RAB27A: variants seen among roughly 807,000 people sequenced by gnomAD.
The protein encoded by RAB27A is RAB27A, member RAS oncogene family.
In RAB27A, 17 loss-of-function variants were observed where a neutral mutation model predicts 20.8. The observed-to-expected ratio is 0.82, with a 90% CI of 0.56 to 1.23. The LOEUF is 1.23. RAB27A is among the 50% of genes most tolerant of loss of function. The pLI, the probability that RAB27A is intolerant of heterozygous loss-of-function variation, is 0.00. For synonymous variants in RAB27A, 85 were observed against 92.8 expected (o/e 0.92, Z 0.48); for missense variants, 277 against 266.7 (o/e 1.04, Z -0.27).
chr15:55,234,754 T>C, intron 3 of RAB27A, 28 bp downstream of exon 3: 1 of 1,590,140 alleles, frequency 6.3e-7, no homozygotes, highest in Non-Finnish European at 8.6e-7. Context: ...AACGATTACA[T>C]TTTTACATAG....
intron 1 of RAB27A, among the ~76,000 whole-genome samples, chr15:55,282,663 G>C: frequency 6.6e-6 from 1 of 152,124 alleles, no homozygotes; most frequent in East Asian, 1.9e-4. Flanking sequence ...CCAAGTCCCT[G>C]TGTAACCCTT....
chr15:55,254,107 A>G (rs1413286962), intron 2 of RAB27A, among the ~76,000 whole-genome samples: 1 of 152,244 alleles, frequency 6.6e-6, no homozygotes, highest in Admixed American at 6.5e-5. Context: ...ATAATTCTAC[A>G]ATCACATTTT....
At chr15:55,308,046 T>A (rs905615129) in intron 2 of RAB27A, among the ~76,000 whole-genome samples, 1 of 152,172 alleles carries the variant, frequency 6.6e-6, no homozygotes, top group African/African-American at 2.4e-5. Context: ...CCCATTCTAT[T>A]TCTTCTTCTG....
rs955558207 is a variant in RAB27A, at chr15:55,209,861, T to C, written c.468-4156A>G. Among the ~76,000 whole-genome samples, 5 of 31,872 alleles carry C rather than the reference T, an allele frequency of 1.6e-4. 1 individual carries two copies. The highest frequency in any genetic ancestry group is 1.4e-3 in the Admixed American group (3 of 2,174). The allele number at this position is 31,872 out of a possible 152,430, so 20.9% of individuals were successfully genotyped here. ...GTGTGTACACATATATGTGTGTATA[T>C]ACATATATACATATATGTGTGTGTA... On this transcript the variant is annotated intron_variant, in intron 6 of 6. Coordinates refer to ENST00000336787, the MANE Select transcript of RAB27A (RefSeq NM_183235.3).
At position 55,203,963 on chromosome 15, in the gene RAB27A, G is replaced by A. The variant is rs1007020290; in HGVS notation, c.*1544C>T. 1 of 152,066 alleles carries A rather than the reference G, an allele frequency of 6.6e-6. No individual in the cohort carries two copies. The highest frequency in any genetic ancestry group is 6.6e-5 in the Admixed American group (1 of 15,262). 9.4% of individuals were successfully genotyped at this position (152,066 alleles called of 1,614,324 possible). On this transcript the variant is annotated 3_prime_UTR_variant, in exon 7 of 7. Coordinates refer to ENST00000336787, the MANE Select transcript of RAB27A (RefSeq NM_183235.3). ...TTAAAAATAAATTTAGGGGGTACAA[G>A]TACAGTTTAGATACATGAATATATT...
At chr15:55,301,645 CTT>C (rs754262049) in intron 2 of RAB27A, among the ~76,000 whole-genome samples, 3,718 of 117,448 alleles carry the variant, frequency 0.032, 33 homozygotes, top group Non-Finnish European at 0.042. Flanking sequence ...CCCTAAAAAT[CTT>C]TTTTTTTTTT....
intron 2 of RAB27A, among the ~76,000 whole-genome samples, chr15:55,262,385 C>CA (rs111597244): frequency 2.6e-5 from 4 of 151,236 alleles, no homozygotes; most frequent in Admixed American, 2.0e-4. Flanking sequence ...ACTCAAAATA[C>CA]AAAAAAATTA....
At chr15:55,224,610 A>G (rs1345561228) in intron 5 of RAB27A, among the ~76,000 whole-genome samples, 1 of 152,242 alleles carries the variant, frequency 6.6e-6, no homozygotes, top group Non-Finnish European at 1.5e-5. Context: ...GTGGAAGCAG[A>G]GGACTATAAT....
chr15:55,307,914 T>C (rs773030808), intron 2 of RAB27A, among the ~76,000 whole-genome samples: 3 of 151,966 alleles, frequency 2.0e-5, no homozygotes, highest in African/African-American at 4.8e-5. Flanking sequence ...TATCAATGCC[T>C]AAGTGAAAGG....
Position 55,205,655 on chromosome 15 carries a change from G to A in RAB27A, c.518C>T (p.Ala173Val), listed in dbSNP as rs142217102. The change falls in exon 7 of 7, where the codon GCA becomes GTA. Residue 173 changes from alanine to valine, a missense_variant. Coordinates refer to ENST00000336787, the MANE Select transcript of RAB27A (RefSeq NM_183235.3). ...TATCAGGTCCAGAAGCATCTCAATT[G>A]CTTGGCTTATGTTTGTCCCATTGGC... is the stretch of plus-strand genomic sequence containing the variant. The part of the protein sequence containing the change: ...SAANGTNISQ[A>V]IEMLLDLIMK... 1 of 1,614,026 alleles carries A rather than the reference G, an allele frequency of 6.2e-7. No individual in the cohort carries two copies. Among genetic ancestry groups the A allele is most frequent in the East Asian group, 2.2e-5 (1 of 44,876 alleles).
rs563268621 is a variant in RAB27A at position 55,240,740 on chromosome 15, A to G, written c.-22-5784T>C. ...GGCTCCTCACCTGTAAAACAGGAAG[A>G]GATTCTATTTTATCAATTCTAACAT... On this transcript the variant is annotated intron_variant, in intron 2 of 6. Coordinates refer to ENST00000336787, the MANE Select transcript of RAB27A (RefSeq NM_183235.3). Among the ~76,000 whole-genome samples, 8 of 152,284 alleles carry G rather than the reference A, an allele frequency of 5.3e-5. No individual in the cohort carries two copies. The South Asian group carries it at 1.7e-3, about 32-fold the overall frequency.
chr15:55,230,723 A>G (rs1381350984), intron 3 of RAB27A, among the ~76,000 whole-genome samples: 1 of 152,168 alleles, frequency 6.6e-6, no homozygotes, highest in Non-Finnish European at 1.5e-5. Context: ...ATACAAAACA[A>G]CTTGTATAAA....
chr15:55,252,694 A>T (rs888154951), intron 2 of RAB27A, among the ~76,000 whole-genome samples: 2 of 151,532 alleles, frequency 1.3e-5, no homozygotes, highest in South Asian at 4.1e-4. Context: ...ACAGATAGAT[A>T]CAGATATACG....
At chr15:55,275,997 G>A (rs900530512) in intron 1 of RAB27A, among the ~76,000 whole-genome samples, 1 of 151,448 alleles carries the variant, frequency 6.6e-6, no homozygotes, top group African/African-American at 2.4e-5. Context: ...CGCTGTTGGT[G>A]GGAATACAAA....
At chr15:55,212,192 A>G (rs1895060750) in intron 6 of RAB27A, among the ~76,000 whole-genome samples, 1 of 152,152 alleles carries the variant, frequency 6.6e-6, no homozygotes, top group Non-Finnish European at 1.5e-5. Context: ...CAATATTCCC[A>G]TTTCACAAAT....
chr15:55,281,856 A>C (rs1898024794), intron 1 of RAB27A, among the ~76,000 whole-genome samples: 1 of 152,180 alleles, frequency 6.6e-6, no homozygotes, highest in Non-Finnish European at 1.5e-5. Context: ...AAAGCAACTA[A>C]GGGATTTTAA....
chr15:55,213,828 G>A (rs936703190), intron 6 of RAB27A, among the ~76,000 whole-genome samples: 42 of 152,242 alleles, frequency 2.8e-4, no homozygotes, highest in Admixed American at 8.5e-4. Context: ...ATGGTGAGCC[G>A]TATAATTATT....
chr15:55,207,896 ATCTG>A (rs1347597514), intron 6 of RAB27A, among the ~76,000 whole-genome samples: 2 of 152,086 alleles, frequency 1.3e-5, no homozygotes, highest in Non-Finnish European at 2.9e-5. Context: ...ACCTCAAGTG[ATCTG>A]TCTGCCTCCA....
chr15:55,237,179 A>G (rs925374386), intron 2 of RAB27A: 2 of 152,188 alleles, frequency 1.3e-5, no homozygotes, highest in Non-Finnish European at 2.9e-5. Flanking sequence ...CACCATATCC[A>G]GAAACTTGGC....
Sources: gnomAD v4.1 joint callset for allele counts (sites outside exome capture counted in the v4.1 genomes callset) on GRCh38, gnomAD v4.1.1 for gene constraint, MANE v1.5 for transcripts, NCBI Gene and HGNC (gene_info 2026-07-23, HGNC 2026-07-21) for gene names.